KRCC1: variants seen among roughly 807,000 people sequenced by gnomAD.
KRCC1 encodes the protein lysine rich coiled-coil 1.
In KRCC1, 3 loss-of-function variants were observed where a neutral mutation model predicts 7.4. The ratio of observed to expected loss-of-function variants is 0.40; its 90% CI spans 0.18 to 1.04. The LOEUF is 1.04. Among genes scored for constraint, KRCC1 ranks in the 50% least tolerant of loss-of-function variants. KRCC1 has a pLI of 0.33. For missense variants in KRCC1, 277 were observed against 300.9 expected (o/e 0.92, Z 0.59); for synonymous variants, 102 against 101.6 (o/e 1.00, Z -0.02).
intron 1 of KRCC1, among the ~76,000 whole-genome samples, chr2:88,052,134 A>C (rs1390677690): frequency 6.6e-6 from 1 of 152,240 alleles, no homozygotes; most frequent in African/African-American, 2.4e-5. Flanking sequence ...TTCATGGACT[A>C]TCTCTGTGCA....
chr2:88,047,334 C>T (rs567830898), intron 1 of KRCC1, among the ~76,000 whole-genome samples: 5 of 152,234 alleles, frequency 3.3e-5, no homozygotes, highest in Middle Eastern at 3.4e-3. Context: ...CCTCCTGCCT[C>T]GGCCTCCCAA....
intron 1 of KRCC1, among the ~76,000 whole-genome samples, chr2:88,049,610 C>A (rs148560147): frequency 5.5e-4 from 84 of 152,312 alleles, no homozygotes; most frequent in African/African-American, 2.0e-3. Flanking sequence ...AATTGTGCCT[C>A]TGCACTCCAG....
chr2:88,047,508 T>C (rs982954473), intron 1 of KRCC1, among the ~76,000 whole-genome samples: 1 of 152,218 alleles, frequency 6.6e-6, no homozygotes, highest in African/African-American at 2.4e-5. Flanking sequence ...GTTGTGATAA[T>C]GGCATTTAAT....
intron 2 of KRCC1, among the ~76,000 whole-genome samples, chr2:88,036,267 A>T (rs1350709078): frequency 1.3e-5 from 2 of 152,202 alleles, no homozygotes; most frequent in Non-Finnish European, 2.9e-5. Flanking sequence ...AGCCATTGTA[A>T]TGTAGTATAC....
rs748972551 is a variant in KRCC1 at position 88,027,883 on chromosome 2, A to G, written c.681T>C (p.Ser227=). The G allele has an allele frequency of 6.2e-7, 1 of 1,613,862 alleles. No individual in the cohort carries two copies. Among genetic ancestry groups the G allele is most frequent in the South Asian group, 1.1e-5 (1 of 90,998 alleles). ...RKEKKSRDVV[S]KKEERKRTKK... ...TTGTACGCTTACGTTCCTCTTTCTT[A>G]GAGACTACATCTCGGCTTTTTTTCT... Residue 227 remains serine, a synonymous_variant, in exon 4 of 4, where the codon TCT becomes TCC. Coordinates refer to ENST00000347055, the MANE Select transcript of KRCC1 (RefSeq NM_016618.3).
Position 88,044,499 on chromosome 2 carries a change from TAA to T in KRCC1, c.-290-7450_-290-7449del, listed in dbSNP as rs539337359. 7.3e-3 allele frequency among the ~76,000 whole-genome samples: 1,108 copies of T among 152,008 alleles called. 3 individuals carry two copies. The highest frequency in any genetic ancestry group is 0.027 in the Middle Eastern group (8 of 294). On this transcript the variant is annotated intron_variant, in intron 1 of 3. Transcript: ENST00000347055. The stretch of plus-strand genomic sequence containing the variant: ...ACAAGGGACTTACATCTAGAAGATA[TAA>T]AGACTTTTTATGACTCAATTATAGG...
intron 1 of KRCC1, among the ~76,000 whole-genome samples, chr2:88,047,044 A>G (rs1673352132): frequency 6.6e-6 from 1 of 152,168 alleles, no homozygotes; most frequent in Non-Finnish European, 1.5e-5. Flanking sequence ...CACATCAACT[A>G]CTGTATTAAA....
intron 1 of KRCC1, among the ~76,000 whole-genome samples, chr2:88,049,866 T>G (rs1330301710): frequency 6.6e-6 from 1 of 152,268 alleles, no homozygotes; most frequent in Non-Finnish European, 1.5e-5. Flanking sequence ...CAACTTCAGA[T>G]CTACATTAAC....
At chr2:88,047,148 A>G (rs1673354373) in intron 1 of KRCC1, among the ~76,000 whole-genome samples, 2 of 152,256 alleles carry the variant, frequency 1.3e-5, no homozygotes, top group Admixed American at 1.3e-4. Flanking sequence ...TTCTAGATTT[A>G]CCAATCTGTT....
chr2:88,042,070 T>C (rs1668071599), intron 1 of KRCC1, among the ~76,000 whole-genome samples: 1 of 150,672 alleles, frequency 6.6e-6, no homozygotes, highest in Admixed American at 6.6e-5. Flanking sequence ...TTTTTTTTTT[T>C]TTTTTTTCCA....
intron 2 of KRCC1, among the ~76,000 whole-genome samples, chr2:88,035,233 CCAATA>C (rs1160490832): frequency 6.6e-6 from 1 of 152,146 alleles, no homozygotes; most frequent in Non-Finnish European, 1.5e-5. Flanking sequence ...CAGTTGCCTT[CCAATA>C]CATTTTTTTC....
At chr2:88,034,850 C>T (rs1248491877) in intron 2 of KRCC1, among the ~76,000 whole-genome samples, 1 of 152,136 alleles carries the variant, frequency 6.6e-6, no homozygotes, top group East Asian at 1.9e-4. Context: ...CACCATTCTA[C>T]TCTCTACTTC....
chr2:88,041,454 G>A (rs990650741), intron 1 of KRCC1, among the ~76,000 whole-genome samples: 2 of 152,150 alleles, frequency 1.3e-5, no homozygotes, highest in Non-Finnish European at 2.9e-5. Flanking sequence ...ATAGTATCTT[G>A]CACATCTCTC....
intron 1 of KRCC1, among the ~76,000 whole-genome samples, chr2:88,051,370 C>G (rs4972168): frequency 0.9 from 137,814 of 152,286 alleles, 62,725 homozygotes; most frequent in East Asian, 1. Flanking sequence ...TTTTGAAAGT[C>G]AGAGTAGAAT....
intron 1 of KRCC1, among the ~76,000 whole-genome samples, chr2:88,046,846 A>AT (rs1461085243): frequency 4.6e-5 from 7 of 151,092 alleles, no homozygotes; most frequent in African/African-American, 2.4e-5. Flanking sequence ...TATTTTTTAT[A>AT]TTTTTTTTGC....
chr2:88,044,163 T>C (rs1206620648), intron 1 of KRCC1, among the ~76,000 whole-genome samples: 1 of 152,224 alleles, frequency 6.6e-6, no homozygotes, highest in Non-Finnish European at 1.5e-5. Flanking sequence ...TCCTAACTGA[T>C]GTAAAACTTC....
intron 1 of KRCC1, among the ~76,000 whole-genome samples, chr2:88,053,663 G>C (rs1371268607): frequency 6.6e-6 from 1 of 152,106 alleles, no homozygotes; most frequent in East Asian, 1.9e-4. Flanking sequence ...TTAGTGAACA[G>C]AAAAAGTGCT....
chr2:88,036,111 T>G (rs557985320), intron 2 of KRCC1, among the ~76,000 whole-genome samples: 8 of 152,298 alleles, frequency 5.3e-5, no homozygotes, highest in Non-Finnish European at 8.8e-5. Flanking sequence ...GAGGGAAAAC[T>G]AGATGAGTTC....
intron 1 of KRCC1, among the ~76,000 whole-genome samples, chr2:88,037,636 CGCGCTCAG>C (rs1042668726): frequency 2.0e-5 from 3 of 152,094 alleles, no homozygotes; most frequent in African/African-American, 7.2e-5. Context: ...CTCGAACTCC[CGCGCTCAG>C]GTGATCCACC....
Sources: allele counts gnomAD v4.1 joint callset (sites outside exome capture counted in the v4.1 genomes callset), GRCh38; gene constraint gnomAD v4.1.1; transcripts MANE v1.5; gene names NCBI Gene and HGNC (gene_info 2026-07-23, HGNC 2026-07-21).